The following ABCE1 variants were observed in gnomAD, a reference collection of about 807,000 sequenced individuals.
ABCE1 encodes the protein ATP-binding cassette sub-family E member 1.
A neutral mutation model predicts 83.4 loss-of-function variants in ABCE1; 22 were observed. That is an observed-to-expected ratio of 0.26 (90% confidence interval 0.19 to 0.38). The LOEUF (loss-of-function observed/expected upper bound fraction) is 0.38. ABCE1 is among the 10% of genes least tolerant of loss of function. The pLI is 1.00. For missense variants in ABCE1, 330 were observed against 721.9 expected (o/e 0.46, Z 6.22); for synonymous variants, 204 against 233.7 (o/e 0.87, Z 1.16).
Position 145,108,104 on chromosome 4 carries a change from A to G in ABCE1, c.279A>G (p.Lys93=), listed in dbSNP as rs994800105. 2 of 1,612,450 alleles carry G rather than the reference A, an allele frequency of 1.2e-6. 1 individual carries two copies. The change falls in exon 4 of 18, where the codon AAA becomes AAG. Residue 93 remains lysine, a synonymous_variant. Coordinates refer to ENST00000296577, the MANE Select transcript of ABCE1 (RefSeq NM_002940.3). ...ATCGATATTGTGCCAATGCCTTCAA[A>G]CTTCACAGGTATATTTTCACATCAG... ...TTHRYCANAF[K]LHRLPIPRPG...
At chr4:145,124,778 G>A (rs530674281) in intron 16 of ABCE1, among the ~76,000 whole-genome samples, 8 of 149,020 alleles carry the variant, frequency 5.4e-5, no homozygotes, top group Non-Finnish European at 1.0e-4. Context: ...TTTTTGTTTT[G>A]CACAAAAATA....
Position 145,120,683 on chromosome 4 carries a change from A to G in ABCE1, c.1145-491A>G, listed in dbSNP as rs1380673751. ...GCCTTCATGATTTAAGAACTATTTGAATTGTAATCTTACAGCTTACAAAAC... is the reference window on the plus strand; with the variant it reads ...GCCTTCATGATTTAAGAACTATTTGGATTGTAATCTTACAGCTTACAAAAC... On this transcript the variant is annotated intron_variant, in intron 11 of 17. Transcript: ENST00000296577. Among the ~76,000 whole-genome samples the G allele has an allele frequency of 2.0e-5, 3 of 152,108 alleles. No individual in the cohort carries two copies. The East Asian group carries it at 5.8e-4, about 29-fold the overall frequency.
intron 8 of ABCE1, among the ~76,000 whole-genome samples, chr4:145,111,553 C>T (rs1749475948): frequency 6.6e-6 from 1 of 152,110 alleles, no homozygotes; most frequent in Non-Finnish European, 1.5e-5. Flanking sequence ...GTCTTGATCT[C>T]CTGACCTCAA....
intron 3 of ABCE1, 93 bp downstream of exon 3, chr4:145,105,783 C>A: frequency 1.4e-6 from 1 of 732,728 alleles, no homozygotes. Context: ...TTAAGTGAGG[C>A]AAAGTATAAA....
chr4:145,123,901 A>C, intron 16 of ABCE1: 1 of 192,248 alleles, frequency 5.2e-6, no homozygotes. Flanking sequence ...TTTCCCAAAA[A>C]AGATTGAAAA....
At chr4:145,115,092 T>A (rs1297230122) in intron 9 of ABCE1, among the ~76,000 whole-genome samples, 1 of 151,942 alleles carries the variant, frequency 6.6e-6, no homozygotes, top group East Asian at 1.9e-4. Flanking sequence ...CCAAATTAAC[T>A]GTAGGGTATA....
intron 2 of ABCE1, 22 bp downstream of exon 2, chr4:145,104,537 T>C: frequency 6.8e-7 from 1 of 1,474,286 alleles, no homozygotes. Flanking sequence ...TGTGGATCAT[T>C]TAAGTATAAA....
chr4:145,118,926 T>G (rs1190143403), intron 10 of ABCE1, among the ~76,000 whole-genome samples: 1 of 151,894 alleles, frequency 6.6e-6, no homozygotes, highest in Non-Finnish European at 1.5e-5. Context: ...CTTTGAGCCT[T>G]TATTTTCCAA....
At chr4:145,125,235 A>C in intron 17 of ABCE1, 134 bp downstream of exon 17, 1 of 583,540 alleles carries the variant, frequency 1.7e-6, no homozygotes, top group South Asian at 2.5e-5. Flanking sequence ...TGGGAGGCCA[A>C]GGCAGGCAGA....
At chr4:145,099,958 G>C (rs1006947050) in intron 1 of ABCE1, among the ~76,000 whole-genome samples, 1 of 152,146 alleles carries the variant, frequency 6.6e-6, no homozygotes, top group East Asian at 1.9e-4. Context: ...GCAGGAGCCT[G>C]TTAACTATAA....
At position 145,117,357 on chromosome 4, in the gene ABCE1, T is replaced by G; in HGVS notation, c.865T>G (p.Leu289Val). The change falls in exon 10 of 18, where the codon TTA becomes GTA. Residue 289 changes from leucine to valine, a missense_variant. Physicochemically the swap from Leu to Val is conservative, Grantham distance 32. Coordinates refer to ENST00000296577, the MANE Select transcript of ABCE1 (RefSeq NM_002940.3). ...CTATCTCTCCGACTTCATCTGCTGT[T>G]TATATGGTGTACCAAGCGCCTATGG... ...LDYLSDFICCLYGVPSAYGVV... is the reference protein window; with the variant it reads ...LDYLSDFICCVYGVPSAYGVV... 6.2e-7 allele frequency: 1 copy of G among 1,611,160 alleles called. No homozygotes were observed. Among genetic ancestry groups the G allele is most frequent in the Non-Finnish European group, 8.5e-7 (1 of 1,178,434 alleles).
chr4:145,119,332 A>G (rs1368190545), intron 10 of ABCE1, among the ~76,000 whole-genome samples: 1 of 151,848 alleles, frequency 6.6e-6, no homozygotes, highest in Non-Finnish European at 1.5e-5. Flanking sequence ...TTTATTACAG[A>G]GGGTTCTTGT....
rs371973981 is a variant in ABCE1 at position 145,128,932 on chromosome 4, T to TA, written c.*1366dup. On this transcript the variant is annotated 3_prime_UTR_variant, in exon 18 of 18. Transcript: ENST00000296577. ...AAAAATTCAAATATACAGAATGGAA[T>TA]AAAAAAATGATCTCCCTTTATTACC... The TA allele has an allele frequency of 6.6e-6, 1 of 152,120 alleles. No individual in the cohort carries two copies. Among genetic ancestry groups the TA allele is most frequent in the East Asian group, 1.9e-4 (1 of 5,200 alleles). 9.4% of individuals were successfully genotyped at this position (152,120 alleles called of 1,614,324 possible).
chr4:145,116,866 G>A (rs1028068101), intron 9 of ABCE1, among the ~76,000 whole-genome samples: 2 of 151,840 alleles, frequency 1.3e-5, no homozygotes, highest in Non-Finnish European at 2.9e-5. Flanking sequence ...AAATGGAAAC[G>A]TCTCAGGTTA....
chr4:145,127,036 C>T (rs1749906462), intron 17 of ABCE1, among the ~76,000 whole-genome samples: 1 of 152,092 alleles, frequency 6.6e-6, no homozygotes, highest in African/African-American at 2.4e-5. Context: ...TGTATGCCTA[C>T]TCATCTTAAG....
chr4:145,108,139 T>C (rs1749358188), intron 4 of ABCE1, 27 bp downstream of exon 4: 1 of 1,589,330 alleles, frequency 6.3e-7, no homozygotes, highest in African/African-American at 1.3e-5. Context: ...GGATTCCTCT[T>C]CTGTCAAGTT....
Position 145,121,167 on chromosome 4 carries a change from T to G in ABCE1, c.1145-7T>G. ...TCAGATCAAACTGTCATATGTTGTGTTGCCAGGAACGGGTAAAACGACATT... is the reference window on the plus strand; with the variant it reads ...TCAGATCAAACTGTCATATGTTGTGGTGCCAGGAACGGGTAAAACGACATT... On this transcript the variant is annotated splice_polypyrimidine_tract_variant and splice_region_variant and intron_variant, in intron 11 of 17. Coordinates refer to ENST00000296577, the MANE Select transcript of ABCE1 (RefSeq NM_002940.3). The G allele has an allele frequency of 6.2e-7, 1 of 1,613,064 alleles. No individual in the cohort carries two copies. Among genetic ancestry groups the G allele is most frequent in the East Asian group, 2.2e-5 (1 of 44,814 alleles).
At chr4:145,121,125 T>C (rs980192405) in intron 11 of ABCE1, 49 bp from the exon 12 acceptor site, 1 of 1,590,918 alleles carries the variant, frequency 6.3e-7, no homozygotes, top group African/African-American at 1.3e-5. Flanking sequence ...TGATTTACTT[T>C]AAACGTCAAG....
rs35119664 is a variant in ABCE1, at chr4:145,120,272, A to C, written c.1144+119A>C. 4.9e-4 allele frequency: 405 copies of C among 830,926 alleles called. No individual in the cohort carries two copies. In the African/African-American group the frequency reaches 6.2e-3, roughly 13 times the overall value. 51.5% of individuals were successfully genotyped at this position (830,926 alleles called of 1,614,324 possible). ...TAGGGCTAGAAGCAGAGTTTTATTT[A>C]AACCCACAAATTTCTTAGTGTACTT... On this transcript the variant is annotated intron_variant, in intron 11 of 17. Coordinates refer to ENST00000296577, the MANE Select transcript of ABCE1 (RefSeq NM_002940.3).
Sources: allele counts gnomAD v4.1 joint callset (sites outside exome capture counted in the v4.1 genomes callset), GRCh38; gene constraint gnomAD v4.1.1; transcripts MANE v1.5; gene names NCBI Gene and HGNC (gene_info 2026-07-23, HGNC 2026-07-21).